WIPI2: variants seen among roughly 807,000 people sequenced by gnomAD.
WIPI2 encodes WD repeat domain phosphoinositide-interacting protein 2.
A neutral mutation model predicts 52.3 loss-of-function variants in WIPI2; 28 were observed. That is an observed-to-expected ratio of 0.54 (90% confidence interval 0.40 to 0.73). WIPI2 has a LOEUF of 0.73. WIPI2 is among the 30% of genes least tolerant of loss of function. The pLI is 0.00. For synonymous variants in WIPI2, 268 were observed against 245.0 expected, an observed-to-expected ratio of 1.09 and a Z score of -0.88; for missense variants, 506 against 602.9, an observed-to-expected ratio of 0.84 and a Z score of 1.68.
chr7:5,190,494 G>A lies in WIPI2; in HGVS notation c.74+1G>A. 6.6e-7 allele frequency: 1 copy of A among 1,504,052 alleles called. No homozygotes were observed. The highest frequency in any genetic ancestry group is 8.9e-7 in the Non-Finnish European group (1 of 1,125,080). 93.2% of individuals were successfully genotyped at this position (1,504,052 alleles called of 1,614,324 possible). A position where few individuals can be genotyped will look rare whatever the true frequency, so the allele number is the denominator to read the frequency against. ...TCGCCAACTTCAACCAGGACAACAC[G>A]TAAGGCCGGGGTCGGGGGTCGGAGT... On this transcript the variant is annotated splice_donor_variant, in intron 1 of 12. Transcript: ENST00000288828. LOFTEE classifies it high-confidence loss of function.
intron 9 of WIPI2, 152 bp downstream of exon 9, chr7:5,226,082 A>G (rs1320333021): frequency 1.1e-5 from 8 of 707,436 alleles, no homozygotes; most frequent in African/African-American, 1.8e-5. Context: ...GCACCTCCGC[A>G]TCCAGGCTCG....
intron 8 of WIPI2, among the ~76,000 whole-genome samples, chr7:5,224,890 C>T (rs974227459): frequency 6.6e-6 from 1 of 152,150 alleles, no homozygotes; most frequent in Non-Finnish European, 1.5e-5. Flanking sequence ...TTTGCAAAGG[C>T]GGTTTCGTTT....
chr7:5,211,505 C>T (rs907275422), intron 3 of WIPI2, among the ~76,000 whole-genome samples: 5 of 152,122 alleles, frequency 3.3e-5, no homozygotes, highest in Admixed American at 2.0e-4. Context: ...CATGTGTCTA[C>T]GGACGGCTGT....
intron 2 of WIPI2, among the ~76,000 whole-genome samples, chr7:5,194,268 C>A (rs1451666445): frequency 6.6e-6 from 1 of 152,188 alleles, no homozygotes; most frequent in Non-Finnish European, 1.5e-5. Flanking sequence ...GCACCAGGGC[C>A]TCCCAGGTCT....
At chr7:5,193,657 C>CT (rs1479086221) in intron 2 of WIPI2, among the ~76,000 whole-genome samples, 1 of 152,242 alleles carries the variant, frequency 6.6e-6, no homozygotes, top group Non-Finnish European at 1.5e-5. Flanking sequence ...CTTACTGCAA[C>CT]TTTGAGTTCC....
At chr7:5,208,629 T>C (rs145646329) in intron 3 of WIPI2, among the ~76,000 whole-genome samples, 150 of 152,276 alleles carry the variant, frequency 9.9e-4, no homozygotes, top group Middle Eastern at 6.8e-3. Flanking sequence ...TGAATCAAGG[T>C]TGTTTTTTTC....
intron 3 of WIPI2, among the ~76,000 whole-genome samples, chr7:5,212,855 C>G (rs1294637229): frequency 6.6e-6 from 1 of 152,246 alleles, no homozygotes; most frequent in Non-Finnish European, 1.5e-5. Context: ...GCAAGCAGGG[C>G]TGCCGTGACT....
intron 3 of WIPI2, among the ~76,000 whole-genome samples, chr7:5,207,229 A>C (rs1782339080): frequency 6.6e-6 from 1 of 152,222 alleles, no homozygotes; most frequent in South Asian, 2.1e-4. Flanking sequence ...TGTGAGTTTT[A>C]ACAAATGCCT....
At chr7:5,225,040 G>T (rs981858097) in intron 8 of WIPI2, among the ~76,000 whole-genome samples, 2 of 152,110 alleles carry the variant, frequency 1.3e-5, no homozygotes, top group Non-Finnish European at 1.5e-5. Context: ...TATTTCTAGG[G>T]TTATGAAGAA....
chr7:5,198,408 G>A (rs1288455708), intron 2 of WIPI2, among the ~76,000 whole-genome samples: 1 of 151,878 alleles, frequency 6.6e-6, no homozygotes, highest in East Asian at 1.9e-4. Flanking sequence ...CCTCCTCCCA[G>A]GTTCAAGCAA....
Position 5,227,181 on chromosome 7 carries a change from C to A in WIPI2, c.850C>A (p.Pro284Thr), listed in dbSNP as rs1456831130. ...IFKLETVKEK[P>T]PEEPTTWTGY... ...GTGTCTGGTGGCCTTTCCTTCCAGA[C>A]CCCCAGAGGAGCCCACCACCTGGAC... The change falls in exon 10 of 13, where the codon CCC (proline) becomes ACC (threonine). Residue 284 changes from proline to threonine, a missense_variant and splice_region_variant. Coordinates refer to ENST00000288828, the MANE Select transcript of WIPI2 (RefSeq NM_015610.4). This position sits in a 1 kb window ranked among gnomAD's most constrained non-coding sequence, Gnocchi z 8.1. The A allele has an allele frequency of 6.2e-7, 1 of 1,613,802 alleles. No individual in the cohort carries two copies. Among genetic ancestry groups the A allele is most frequent in the Non-Finnish European group, 8.5e-7 (1 of 1,179,996 alleles).
At chr7:5,224,284 G>A (rs775635201) in intron 8 of WIPI2, among the ~76,000 whole-genome samples, 2 of 152,218 alleles carry the variant, frequency 1.3e-5, no homozygotes, top group Non-Finnish European at 2.9e-5. Context: ...CAAGTCGAGT[G>A]TCGCCCTCGA....
At chr7:5,217,899 CT>C (rs759905798) in intron 6 of WIPI2, 22 bp from the exon 7 acceptor site, 1 of 1,613,594 alleles carries the variant, frequency 6.2e-7, no homozygotes, top group African/African-American at 1.3e-5. Flanking sequence ...GGTGGCCACT[CT>C]TTATTGGTGT....
chr7:5,216,899 C>CT, intron 5 of WIPI2, 191 bp from the exon 6 acceptor site: 1 of 711,326 alleles, frequency 1.4e-6, no homozygotes, highest in Admixed American at 2.9e-5. Context: ...CCTTTAATCT[C>CT]TTGACAATAC....
rs1410907037 is a variant in WIPI2, at chr7:5,231,435, C to G, written c.*488C>G. 1 of 152,808 alleles carries G rather than the reference C, an allele frequency of 6.5e-6. No homozygotes were observed. Among genetic ancestry groups the G allele is most frequent in the Non-Finnish European group, 1.5e-5 (1 of 68,454 alleles). 9.5% of individuals were successfully genotyped at this position (152,808 alleles called of 1,614,324 possible). On this transcript the variant is annotated 3_prime_UTR_variant, in exon 13 of 13. Coordinates refer to ENST00000288828, the MANE Select transcript of WIPI2 (RefSeq NM_015610.4). ...CCCACCAGGTGTGCTGGGCAGACTT[C>G]AGCTGGGACAGAAGTCCGATCTCCC...
intron 11 of WIPI2, among the ~76,000 whole-genome samples, chr7:5,229,116 A>G (rs1384099963): frequency 1.3e-5 from 2 of 152,172 alleles, no homozygotes; most frequent in African/African-American, 4.8e-5. Flanking sequence ...CCCAGGTTCA[A>G]GCGATTCTCC....
intron 3 of WIPI2, among the ~76,000 whole-genome samples, chr7:5,211,426 C>G (rs1325177458): frequency 5.3e-5 from 8 of 152,198 alleles, no homozygotes; most frequent in Admixed American, 4.6e-4. Context: ...GAGTCGAGAT[C>G]ACGCCATTGC....
chr7:5,219,994 C>T (rs182489740), intron 7 of WIPI2, among the ~76,000 whole-genome samples: 1 of 150,636 alleles, frequency 6.6e-6, no homozygotes, highest in African/African-American at 2.4e-5. Flanking sequence ...TGCCACCACG[C>T]CCGGCTAATT....
chr7:5,208,636 T>C (rs1173246695), intron 3 of WIPI2, among the ~76,000 whole-genome samples: 7 of 152,212 alleles, frequency 4.6e-5, no homozygotes, highest in Admixed American at 2.6e-4. Flanking sequence ...AGGTTGTTTT[T>C]TTCCTAATGG....
Sources: gnomAD v4.1 joint callset for allele counts (sites outside exome capture counted in the v4.1 genomes callset) on GRCh38, gnomAD v4.1.1 for gene constraint, Gnocchi (gnomAD v3.1) non-coding constraint, MANE v1.5 for transcripts, NCBI Gene and HGNC (gene_info 2026-07-23, HGNC 2026-07-21) for gene names.